Variants in ACYP2 observed in about 807,000 individuals in gnomAD.
ACYP2 encodes acylphosphatase-2.
A neutral mutation model predicts 11.2 loss-of-function variants in ACYP2; 12 were observed. That is an observed-to-expected ratio of 1.08 (90% confidence interval 0.69 to 1.74). ACYP2 has a LOEUF of 1.74. Among genes scored for constraint, ACYP2 ranks in the 40% most tolerant of loss-of-function variants. The pLI, the probability that ACYP2 is intolerant of heterozygous loss-of-function variation, is 0.00. For missense variants in ACYP2, 134 were observed against 101.9 expected (o/e 1.31, Z -1.35); for synonymous variants, 43 against 32.2 (o/e 1.33, Z -1.13).
intron 6 of ACYP2, among the ~76,000 whole-genome samples, chr2:54,192,284 A>T (rs1167037136): frequency 6.6e-6 from 1 of 152,144 alleles, no homozygotes; most frequent in African/African-American, 2.4e-5. Context: ...TCTTTCTTTA[A>T]TTAAATGCTC....
chr2:54,283,124 A>C (rs1213628426), intron 6 of ACYP2, among the ~76,000 whole-genome samples: 2 of 152,222 alleles, frequency 1.3e-5, no homozygotes, highest in Non-Finnish European at 2.9e-5. Flanking sequence ...GCTTTATCCT[A>C]ATGCACGAAT....
At chr2:54,197,896 TTTATTTTATTTTATTTTA>T (rs1484052961) in intron 6 of ACYP2, among the ~76,000 whole-genome samples, 2 of 144,626 alleles carry the variant, frequency 1.4e-5, no homozygotes, top group Non-Finnish European at 3.1e-5. Flanking sequence ...TGCTTAGGAT[TTTATTTTATTTTATTTTA>T]TTATTTTATT....
rs746897592 is a variant in ACYP2, at chr2:54,255,916, C to T, written c.405-48772C>T. The T allele has an allele frequency of 1.9e-6, 3 of 1,614,048 alleles. No individual in the cohort carries two copies. The East Asian group carries it at 6.7e-5, about 36-fold the overall frequency. On this transcript the variant is annotated intron_variant, in intron 6 of 6. Coordinates refer to ENST00000607452, the MANE Select transcript of ACYP2 (RefSeq NM_001320586.2). The stretch of plus-strand genomic sequence containing the variant: ...CCCCGCTTTGATGGCTCCATGACTG[C>T]GACCCGCATCGACCAAGATGTGGAA...
chr2:54,301,993 A>C (rs1363326140), intron 6 of ACYP2, among the ~76,000 whole-genome samples: 1 of 152,192 alleles, frequency 6.6e-6, no homozygotes, highest in Non-Finnish European at 1.5e-5. Context: ...TCAGTCTCCC[A>C]ACACCATGAC....
At chr2:54,166,107 G>A (rs1165770761) in intron 6 of ACYP2, among the ~76,000 whole-genome samples, 1 of 152,064 alleles carries the variant, frequency 6.6e-6, no homozygotes, top group African/African-American at 2.4e-5. Context: ...TCTTATCTAG[G>A]TGCAGCCTCA....
intron 4 of ACYP2, among the ~76,000 whole-genome samples, chr2:54,096,282 G>A (rs1172226336): frequency 4.3e-5 from 6 of 140,100 alleles, no homozygotes; most frequent in African/African-American, 8.1e-5. Context: ...ATGGGTGGCC[G>A]GGCAGAGACG....
intron 2 of ACYP2, among the ~76,000 whole-genome samples, chr2:54,006,211 G>A (rs761896716): frequency 2.2e-4 from 33 of 151,810 alleles, no homozygotes; most frequent in Non-Finnish European, 3.7e-4. Context: ...GCAATGGTAC[G>A]ATCTCGGCTC....
chr2:54,176,846 C>G (rs536849919), intron 6 of ACYP2, among the ~76,000 whole-genome samples: 1 of 152,160 alleles, frequency 6.6e-6, no homozygotes, highest in African/African-American at 2.4e-5. Flanking sequence ...TCAGTTTGGA[C>G]AACTCTGAAG....
At chr2:54,147,417 T>C (rs577707715) in intron 6 of ACYP2, among the ~76,000 whole-genome samples, 1 of 152,306 alleles carries the variant, frequency 6.6e-6, no homozygotes, top group Admixed American at 6.5e-5. Context: ...CTGAGTCTTC[T>C]GTGAGGTCCA....
At chr2:54,006,357 G>A (rs1389137143) in intron 2 of ACYP2, among the ~76,000 whole-genome samples, 3 of 152,070 alleles carry the variant, frequency 2.0e-5, no homozygotes, top group Non-Finnish European at 4.4e-5. Flanking sequence ...ATATTGGCCA[G>A]GCTGGTCTAG....
chr2:54,003,726 T>A (rs1019163518), intron 2 of ACYP2, among the ~76,000 whole-genome samples: 14 of 152,220 alleles, frequency 9.2e-5, no homozygotes, highest in Non-Finnish European at 1.6e-4. Context: ...TGTGAACATG[T>A]TTCAACTCAT....
At chr2:54,210,245 T>C (rs1444402012) in intron 6 of ACYP2, among the ~76,000 whole-genome samples, 2 of 151,740 alleles carry the variant, frequency 1.3e-5, no homozygotes, top group African/African-American at 4.8e-5. Flanking sequence ...AAAGCAGAGT[T>C]CCCCAAGTTG....
intron 4 of ACYP2, among the ~76,000 whole-genome samples, chr2:54,121,870 A>G (rs866005239): frequency 2.0e-5 from 3 of 152,248 alleles, no homozygotes; most frequent in East Asian, 1.9e-4. Flanking sequence ...TATCCCCTAC[A>G]CGGCTACGCC....
In ACYP2 at chr2:54,281,012, G is replaced by C. The variant is rs111787509; in HGVS notation, c.405-23676G>C. 2.3e-3 allele frequency among the ~76,000 whole-genome samples: 353 copies of C among 152,306 alleles called. 2 individuals are homozygous for C. The highest frequency in any genetic ancestry group is 8.2e-3 in the African/African-American group (339 of 41,576). On this transcript the variant is annotated intron_variant, in intron 6 of 6. Coordinates refer to ENST00000607452, the MANE Select transcript of ACYP2 (RefSeq NM_001320586.2). ...AAGAAGAGGAGGAATTTATCTCTAT[G>C]AGGCTAGGTCTTTTCACTTATAAAT...
At chr2:54,131,239 T>C (rs1037180216) in intron 4 of ACYP2, among the ~76,000 whole-genome samples, 1 of 152,246 alleles carries the variant, frequency 6.6e-6, no homozygotes, top group East Asian at 1.9e-4. Flanking sequence ...CATCAATAGA[T>C]TGGAGCAGGT....
intron 6 of ACYP2, among the ~76,000 whole-genome samples, chr2:54,196,766 T>C (rs1258803657): frequency 6.6e-6 from 1 of 152,232 alleles, no homozygotes; most frequent in Non-Finnish European, 1.5e-5. Flanking sequence ...ACATCCCCAG[T>C]GGGGATGAAA....
intron 6 of ACYP2, among the ~76,000 whole-genome samples, chr2:54,194,116 G>A (rs1684351875): frequency 1.3e-5 from 2 of 152,032 alleles, no homozygotes; most frequent in African/African-American, 2.4e-5. Flanking sequence ...TAGGCTCACT[G>A]CAACCTCTGT....
At chr2:54,143,147 T>C (rs1681694966) in intron 6 of ACYP2, 1 of 152,260 alleles carries the variant, frequency 6.6e-6, no homozygotes, top group African/African-American at 2.4e-5. Flanking sequence ...ACTTCATTTG[T>C]CAGACCTGCC....
intron 2 of ACYP2, among the ~76,000 whole-genome samples, chr2:54,034,787 G>A (rs1488095075): frequency 6.6e-6 from 1 of 151,936 alleles, no homozygotes; most frequent in Non-Finnish European, 1.5e-5. Flanking sequence ...GAGGCGGGTG[G>A]ATCACGAGGT....
Sources: gnomAD v4.1 joint callset for allele counts (sites outside exome capture counted in the v4.1 genomes callset) on GRCh38, gnomAD v4.1.1 for gene constraint, MANE v1.5 for transcripts, NCBI Gene and HGNC (gene_info 2026-07-23, HGNC 2026-07-21) for gene names.